PXN: variants seen among roughly 807,000 people sequenced by gnomAD.
PXN encodes the protein paxillin, also known as testicular tissue protein Li 134.
PXN carries 61 observed loss-of-function variants against 103.6 expected under a neutral mutation model. That is an observed-to-expected ratio of 0.59 (90% CI 0.48 to 0.73). The LOEUF is 0.73. Among genes scored for constraint, PXN ranks in the 30% least tolerant of loss-of-function variants. PXN has a pLI of 0.00. For synonymous variants in PXN, 562 were observed against 607.8 expected (o/e 0.92, Z 1.11); for missense variants, 1,274 against 1,460.3 (o/e 0.87, Z 2.08).
At chr12:120,249,909 G>C (rs1555322451) in intron 1 of PXN, 2 of 985,362 alleles carry the variant, frequency 2.0e-6, no homozygotes, top group Non-Finnish European at 2.4e-6. Context: ...GCCTGATGAA[G>C]CTAAGCAGGG....
chr12:120,249,747 A>G, intron 1 of PXN: 1 of 683,218 alleles, frequency 1.5e-6, no homozygotes, highest in East Asian at 1.4e-4. Flanking sequence ...AGACAAAAAG[A>G]CTTCAAGTGC....
At position 120,222,710 on chromosome 12, in the gene PXN, G is replaced by A. The variant is rs1284055511; in HGVS notation, c.534C>T (p.Ser178=). Reference sequence around the variant, plus strand: ...TAGTCTCTGGGACACCATAGAGGGGGCTCAGGGCCCCAGGAAGCGGGGGGC... The same window carrying A: ...TAGTCTCTGGGACACCATAGAGGGGACTCAGGGCCCCAGGAAGCGGGGGGC... The part of the protein sequence containing the change: ...NSSPPLPGAL[S]PLYGVPETNS... The change falls in exon 5 of 15, where the codon AGC becomes AGT. Residue 178 remains serine (S), a synonymous_variant. Coordinates refer to ENST00000637617, the MANE Select transcript of PXN (RefSeq NM_001385981.1). The surrounding 1 kb of genome is among the most constrained non-coding windows in gnomAD (Gnocchi z 4.7). 1.2e-6 allele frequency: 2 copies of A among 1,609,194 alleles called. No homozygotes were observed. Among genetic ancestry groups the A allele is most frequent in the Non-Finnish European group, 1.7e-6 (2 of 1,178,018 alleles).
rs1208705136 is a variant in PXN, at chr12:120,222,527, G to A, written c.695+22C>T. 2 of 1,572,918 alleles carry A rather than the reference G, an allele frequency of 1.3e-6. No homozygotes were observed. The highest frequency in any genetic ancestry group is 1.2e-5 in the South Asian group (1 of 85,738). ...GCTGGGCCAGCCCTTCCCCACCTGG[G>A]GAGGGCCCAGTGGGTACTCACACGG... is the stretch of plus-strand genomic sequence containing the variant. On this transcript the variant is annotated intron_variant, in intron 5 of 14. Coordinates refer to ENST00000637617, the MANE Select transcript of PXN (RefSeq NM_001385981.1). This position sits in a 1 kb window ranked among gnomAD's most constrained non-coding sequence, Gnocchi z 4.7.
chr12:120,219,886 G>A lies in PXN; in HGVS notation c.1037C>T (p.Pro346Leu), dbSNP rs777007972. ...AAGACCAGCCAAATCAAGCCAGCTGGGGGCTACAGGAGGTAGAAGGCCTCG... is the reference window on the plus strand; with the variant it reads ...AAGACCAGCCAAATCAAGCCAGCTGAGGGCTACAGGAGGTAGAAGGCCTCG... ...SGRGLLPPVA[P>L]SWLDLAGLGV... The change falls in exon 7 of 15, where the codon CCC becomes CTC. Residue 346 changes from proline to leucine, a missense_variant. By Grantham distance (98) the Pro-to-Leu change is moderately conservative (BLOSUM62 -3). Transcript: ENST00000637617. The surrounding 1 kb of genome is among the most constrained non-coding windows in gnomAD (Gnocchi z 6.5). 1.9e-6 allele frequency: 3 copies of A among 1,598,476 alleles called. No homozygotes were observed. Among genetic ancestry groups the A allele is most frequent in the Admixed American group, 3.3e-5 (2 of 60,032 alleles).
chr12:120,252,755 G>C (rs1892388154), intron 1 of PXN, among the ~76,000 whole-genome samples: 1 of 152,114 alleles, frequency 6.6e-6, no homozygotes, highest in East Asian at 1.9e-4. Context: ...TAACCAAGTG[G>C]TGACACAGAG....
At chr12:120,250,129 G>A (rs1377603999) in intron 1 of PXN, 2 of 985,758 alleles carry the variant, frequency 2.0e-6, no homozygotes, top group Non-Finnish European at 2.4e-6. Flanking sequence ...AACTGCCTTA[G>A]CCGGCCAGCC....
intron 1 of PXN, among the ~76,000 whole-genome samples, chr12:120,260,587 G>C (rs11831552): frequency 0.15 from 22,779 of 151,896 alleles, 2,044 homozygotes; most frequent in East Asian, 0.46. Context: ...GAATAGGGTG[G>C]GTGCAGAAAA....
chr12:120,254,573 T>C (rs1393086846), intron 1 of PXN, among the ~76,000 whole-genome samples: 1 of 152,138 alleles, frequency 6.6e-6, no homozygotes, highest in African/African-American at 2.4e-5. Flanking sequence ...TTTTTTGAAA[T>C]GGAGTCTCGC....
chr12:120,265,682 C>A lies in PXN; in HGVS notation c.-53G>T. 5.6e-6 allele frequency: 8 copies of A among 1,425,942 alleles called. No homozygotes were observed. The highest frequency in any genetic ancestry group is 1.5e-5 in the African/African-American group (1 of 67,150). 88.3% of individuals were successfully genotyped at this position (1,425,942 alleles called of 1,614,324 possible). On this transcript the variant is annotated 5_prime_UTR_variant, in exon 1 of 15. Transcript: ENST00000637617. The surrounding 1 kb of genome is among the most constrained non-coding windows in gnomAD (Gnocchi z 5.7). ...TCGCGCTAGCTGCCCGTCCCGGGGC[C>A]GCTCGTCTATGCCCCGCAACTTTTC...
intron 1 of PXN, among the ~76,000 whole-genome samples, chr12:120,259,620 A>C (rs959476062): frequency 6.6e-6 from 1 of 152,090 alleles, no homozygotes; most frequent in Non-Finnish European, 1.5e-5. Context: ...CCAGCATCCA[A>C]GGCCTCCCTG....
At chr12:120,233,586 A>G (rs990701079) in intron 1 of PXN, among the ~76,000 whole-genome samples, 5 of 152,172 alleles carry the variant, frequency 3.3e-5, no homozygotes, top group Non-Finnish European at 5.9e-5. Flanking sequence ...GATTACAAGC[A>G]TAAGCCACTG....
chr12:120,226,253 C>A (rs1378252081), intron 1 of PXN: 3 of 1,285,372 alleles, frequency 2.3e-6, no homozygotes, highest in African/African-American at 3.0e-5. Context: ...GCTAAGAAAC[C>A]CCATAGGACT....
At position 120,216,212 on chromosome 12, in the gene PXN, T is replaced by G; in HGVS notation, c.2301+61A>C. ...TGTGTGCACGTGTGTGTGTGCAGAGTGGGGGATGGCTCAGGCATTAGGACA... is the reference window on the plus strand; with the variant it reads ...TGTGTGCACGTGTGTGTGTGCAGAGGGGGGGATGGCTCAGGCATTAGGACA... On this transcript the variant is annotated intron_variant, in intron 9 of 14. Transcript: ENST00000637617. The surrounding 1 kb of genome is among the most constrained non-coding windows in gnomAD (Gnocchi z 5.1). 1 of 1,260,034 alleles carries G rather than the reference T, an allele frequency of 7.9e-7. No individual in the cohort carries two copies. Among genetic ancestry groups the G allele is most frequent in the Non-Finnish European group, 9.9e-7 (1 of 1,006,428 alleles). The allele number at this position is 1,260,034 out of a possible 1,614,324, so 78.1% of individuals were successfully genotyped here. A position where few individuals can be genotyped will look rare whatever the true frequency, so the allele number is the denominator to read the frequency against.
intron 1 of PXN, among the ~76,000 whole-genome samples, chr12:120,254,235 C>G: frequency 6.6e-6 from 1 of 152,074 alleles, no homozygotes; most frequent in East Asian, 1.9e-4. Context: ...GAGAATGAAA[C>G]AGTGGTTACT....
At position 120,219,388 on chromosome 12, in the gene PXN, AG is replaced by A; in HGVS notation, c.1534del (p.Leu512Ter). 1 of 1,598,346 alleles carries A rather than the reference AG, an allele frequency of 6.3e-7. No homozygotes were observed. Among genetic ancestry groups the A allele is most frequent in the Non-Finnish European group, 8.5e-7 (1 of 1,179,764 alleles). On this transcript the variant is annotated frameshift_variant, in exon 7 of 15. Transcript: ENST00000637617. LOFTEE classifies it high-confidence loss of function. This position sits in a 1 kb window ranked among gnomAD's most constrained non-coding sequence, Gnocchi z 6.5. ...TCCCCTCTCGGTCATCTTTGCACCTAGCTGCTCCGTGGTAACTGAGGCAGGG... is the reference window on the plus strand; with the variant it reads ...TCCCCTCTCGGTCATCTTTGCACCTACTGCTCCGTGGTAACTGAGGCAGGG... Reference protein sequence around the residue: ...SSPASVTTEQLGAKMTERGSV... With the variant: ...SSPASVTTEQXGAKMTERGSV...
At chr12:120,234,613 T>C (rs1888676311) in intron 1 of PXN, among the ~76,000 whole-genome samples, 1 of 152,006 alleles carries the variant, frequency 6.6e-6, no homozygotes, top group African/African-American at 2.4e-5. Flanking sequence ...TGCATGGCAG[T>C]GTGGTAGAGT....
At chr12:120,245,210 C>T (rs965271518) in intron 1 of PXN, among the ~76,000 whole-genome samples, 2 of 152,036 alleles carry the variant, frequency 1.3e-5, no homozygotes, top group Admixed American at 6.6e-5. Flanking sequence ...CTGGAATGTG[C>T]GATTTTCTCA....
rs937576352 is a variant in PXN, at chr12:120,220,487, C to G, written c.832-396G>C. ...ACACTGGCCCAACTCGGCCATGTCC[C>G]TCCGGACAATCCCAGCTTTCCTACA... is the stretch of plus-strand genomic sequence containing the variant. On this transcript the variant is annotated intron_variant, in intron 6 of 14. Transcript: ENST00000637617. The surrounding 1 kb of genome is among the most constrained non-coding windows in gnomAD (Gnocchi z 6.1). Among the ~76,000 whole-genome samples, 1 of 152,200 alleles carries G rather than the reference C, an allele frequency of 6.6e-6. No individual in the cohort carries two copies. The highest frequency in any genetic ancestry group is 2.4e-5 in the African/African-American group (1 of 41,438).
chr12:120,240,082 G>A (rs1334441143), intron 1 of PXN, among the ~76,000 whole-genome samples: 1 of 152,096 alleles, frequency 6.6e-6, no homozygotes, highest in African/African-American at 2.4e-5. Flanking sequence ...ACACCTCTTT[G>A]AGCTCAGTTC....
Sources: gnomAD v4.1 joint callset for allele counts (sites outside exome capture counted in the v4.1 genomes callset) on GRCh38, gnomAD v4.1.1 for gene constraint, Gnocchi (gnomAD v3.1) non-coding constraint, MANE v1.5 for transcripts, NCBI Gene and HGNC (gene_info 2026-07-23, HGNC 2026-07-21) for gene names.